The following NXPE3 variants were observed in gnomAD, a reference collection of about 807,000 sequenced individuals.
NXPE3 encodes neurexophilin and PC-esterase domain family member 3.
Under a neutral mutation model 46.1 loss-of-function variants are expected in NXPE3, and 26 were observed. That is an observed-to-expected ratio of 0.56 (90% CI 0.41 to 0.78). The LOEUF (loss-of-function observed/expected upper bound fraction) is 0.78, where lower values mean the gene tolerates loss of function less well. Among genes scored for constraint, NXPE3 ranks in the 30% least tolerant of loss-of-function variants. The probability of loss-of-function intolerance (pLI) is 0.00; values close to 1 mark genes in which losing one functional copy is unlikely to be tolerated. For missense variants in NXPE3, 620 were observed against 686.0 expected (o/e 0.90, Z 1.07); for synonymous variants, 272 against 257.9 (o/e 1.05, Z -0.52).
chr3:101,816,433 C>A (rs898719047), intron 6 of NXPE3, among the ~76,000 whole-genome samples: 1 of 152,084 alleles, frequency 6.6e-6, no homozygotes, highest in Admixed American at 6.5e-5. Flanking sequence ...CCCCCAACCC[C>A]CCGACAGGCC....
In NXPE3 at chr3:101,826,377, A is replaced by G. The variant is rs551163482; in HGVS notation, c.*4423A>G. 1 of 152,306 alleles carries G rather than the reference A, an allele frequency of 6.6e-6. No individual in the cohort carries two copies. Among genetic ancestry groups the G allele is most frequent in the African/African-American group, 2.4e-5 (1 of 41,564 alleles). The allele number at this position is 152,306 out of a possible 1,614,324, so 9.4% of individuals were successfully genotyped here. On this transcript the variant is annotated 3_prime_UTR_variant, in exon 8 of 8. Transcript: ENST00000273347. ...ATCTCTGTGGATTCTGGGTAAATTC[A>G]GCTTTTTAACATCAGCTAGTCACTA...
At chr3:101,781,372 A>G (rs987718339) in intron 1 of NXPE3, among the ~76,000 whole-genome samples, 1 of 152,222 alleles carries the variant, frequency 6.6e-6, no homozygotes, top group African/African-American at 2.4e-5. Flanking sequence ...TATTGAACTC[A>G]GGAATTTCAT....
intron 4 of NXPE3, among the ~76,000 whole-genome samples, chr3:101,794,611 G>C (rs908821303): frequency 1.3e-5 from 2 of 152,106 alleles, no homozygotes; most frequent in African/African-American, 4.8e-5. Context: ...TTACTGCATT[G>C]GTTTTGTGAA....
intron 4 of NXPE3, among the ~76,000 whole-genome samples, chr3:101,785,923 G>A (rs918573263): frequency 6.6e-6 from 1 of 152,134 alleles, no homozygotes; most frequent in Non-Finnish European, 1.5e-5. Flanking sequence ...CACATAATAA[G>A]TGTGCATGGA....
intron 5 of NXPE3, among the ~76,000 whole-genome samples, chr3:101,805,484 G>A (rs376382088): frequency 2.6e-5 from 4 of 151,028 alleles, no homozygotes; most frequent in East Asian, 1.9e-4. Flanking sequence ...GCTGGGGTGC[G>A]GTGCAGTGAT....
chr3:101,808,818 G>GATAGATATATATATATATATATATAT (rs1553802986), intron 6 of NXPE3, among the ~76,000 whole-genome samples: 1 of 30,814 alleles, frequency 3.2e-5, no homozygotes, highest in African/African-American at 1.2e-4. Flanking sequence ...AATTTTAGAG[G>GATAGATATATATATATATATATATAT]ATATATATAT....
intron 4 of NXPE3, among the ~76,000 whole-genome samples, chr3:101,795,523 A>G (rs1320868791): frequency 6.6e-6 from 1 of 151,978 alleles, no homozygotes; most frequent in African/African-American, 2.4e-5. Context: ...TCTAAAAAAA[A>G]AAAAAAAAGC....
chr3:101,801,881 G>C lies in NXPE3; in HGVS notation c.740G>C (p.Trp247Ser), dbSNP rs972115673. 1.9e-6 allele frequency: 3 copies of C among 1,613,994 alleles called. No homozygotes were observed. The highest frequency in any genetic ancestry group is 2.5e-6 in the Non-Finnish European group (3 of 1,180,020). The change falls in exon 5 of 8, where the codon TGG becomes TCG. Residue 247 changes from tryptophan to serine, a missense_variant. Around this residue, in one of 3 missense-constraint regions of NXPE3, gnomAD observed 511 missense variants for 528.6 expected, o/e 0.97. Coordinates refer to ENST00000273347, the MANE Select transcript of NXPE3 (RefSeq NM_145037.4). ...ACAGACCTCTACACTGGGGAGCCCTGGTTCTGCTTCAAACCAAAGAAGCTC... is the reference window on the plus strand; with the variant it reads ...ACAGACCTCTACACTGGGGAGCCCTCGTTCTGCTTCAAACCAAAGAAGCTC... ...NFTDLYTGEP[W>S]FCFKPKKLPC...
rs73143886 is a variant in NXPE3 at position 101,821,552 on chromosome 3, G to A, written c.1278G>A (p.Ala426=). The A allele has an allele frequency of 2.5e-5, 40 of 1,614,168 alleles. No individual in the cohort carries two copies. Among genetic ancestry groups the A allele is most frequent in the Non-Finnish European group, 3.2e-5 (38 of 1,180,040 alleles). Residue 426 remains alanine (A), a synonymous_variant, in exon 8 of 8, where the codon GCG becomes GCA. Transcript: ENST00000273347. ...TTAGCAATGAGCTCCATTATGTGGC[G>A]AATGAGCTGAATGGCATTGTGGGAG... ...TVFSNELHYV[A]NELNGIVGGK... is the part of the protein sequence containing the mutation.
At chr3:101,788,441 AATC>A (rs1303007205) in intron 4 of NXPE3, among the ~76,000 whole-genome samples, 2 of 152,198 alleles carry the variant, frequency 1.3e-5, no homozygotes, top group Non-Finnish European at 2.9e-5. Context: ...ATATCCAAGA[AATC>A]ATCACCAAAT....
At position 101,827,332 on chromosome 3, in the gene NXPE3, T is replaced by C. The variant is rs1440826309; in HGVS notation, c.*5378T>C. On this transcript the variant is annotated 3_prime_UTR_variant, in exon 8 of 8. Transcript: ENST00000273347. The stretch of plus-strand genomic sequence containing the variant: ...CAGTTTTGTGCAGTGGTTCATTTGC[T>C]GTTAAATCTACCCCATTACCATTCC... 6.6e-6 allele frequency: 1 copy of C among 152,234 alleles called. No homozygotes were observed. The highest frequency in any genetic ancestry group is 1.5e-5 in the Non-Finnish European group (1 of 68,048). The allele number at this position is 152,234 out of a possible 1,614,324, so 9.4% of individuals were successfully genotyped here. A position where few individuals can be genotyped will look rare whatever the true frequency, so the allele number is the denominator to read the frequency against.
chr3:101,816,772 TTG>T, intron 6 of NXPE3, 21 bp from the exon 7 acceptor site: 1 of 1,552,714 alleles, frequency 6.4e-7, no homozygotes, highest in South Asian at 1.1e-5. Flanking sequence ...ATTAAAATAT[TTG>T]TTTTTCTTTT....
At chr3:101,795,606 A>G (rs913682238) in intron 4 of NXPE3, among the ~76,000 whole-genome samples, 3 of 150,776 alleles carry the variant, frequency 2.0e-5, no homozygotes, top group Non-Finnish European at 4.4e-5. Flanking sequence ...GCAGTCTTTT[A>G]TTTCTCCGAT....
At chr3:101,802,389 G>A (rs760352360) in intron 5 of NXPE3, among the ~76,000 whole-genome samples, 14 of 151,904 alleles carry the variant, frequency 9.2e-5, no homozygotes, top group African/African-American at 1.7e-4. Flanking sequence ...AGGCTGAAAC[G>A]GGAGGATCGC....
chr3:101,794,863 A>G (rs1940734922), intron 4 of NXPE3, among the ~76,000 whole-genome samples: 1 of 152,204 alleles, frequency 6.6e-6, no homozygotes. Flanking sequence ...TAAAGGCTCT[A>G]ATTATTTGAA....
rs1408438809 is a variant in NXPE3 at position 101,801,373 on chromosome 3, G to A, written c.232G>A (p.Glu78Lys). The A allele has an allele frequency of 1.9e-6, 3 of 1,614,216 alleles. No homozygotes were observed. Among genetic ancestry groups the A allele is most frequent in the Non-Finnish European group, 1.7e-6 (2 of 1,180,038 alleles). ...QTLSSQERME[E>K]DSLLAALHRQ... ...CCTGTCCAGCCAGGAGCGCATGGAG[G>A]AGGACTCCTTGCTGGCTGCCTTGCA... Residue 78 changes from glutamate to lysine, a missense_variant, in exon 5 of 8, where the codon GAG (glutamate) becomes AAG (lysine). Physicochemically the swap from Glu to Lys is moderately conservative, Grantham distance 56 (BLOSUM62 1). Transcript: ENST00000273347.
intron 4 of NXPE3, among the ~76,000 whole-genome samples, chr3:101,793,627 C>CTTTTTTTTTTTTTTTTTTTTTTTTTTT: frequency 3.1e-4 from 6 of 19,394 alleles, no homozygotes; most frequent in Non-Finnish European, 3.8e-4. Context: ...TTGACAAGGT[C>CTTTTTTTTTTTTTTTTTTTTTTTTTTT]TTTTTTTTTT....
In NXPE3 at chr3:101,808,818, GATATATATATATATAT is replaced by G. The variant is rs58006464; in HGVS notation, c.922+1715_922+1730del. Among the ~76,000 whole-genome samples, 117 of 30,810 alleles carry G rather than the reference GATATATATATATATAT, an allele frequency of 3.8e-3. 5 individuals carry two copies. Among genetic ancestry groups the G allele is most frequent in the African/African-American group, 0.011 (93 of 8,552 alleles). The allele number at this position is 30,810 out of a possible 152,430, so 20.2% of individuals were successfully genotyped here. ...ACCAAATGAATTACTAATTTTAGAGGATATATATATATATATATATATATATATATATATATATGAG... is the reference window on the plus strand; with the variant it reads ...ACCAAATGAATTACTAATTTTAGAGGATATATATATATATATATATATGAG... On this transcript the variant is annotated intron_variant, in intron 6 of 7. Coordinates refer to ENST00000273347, the MANE Select transcript of NXPE3 (RefSeq NM_145037.4).
In NXPE3 at chr3:101,827,631, T is replaced by A. The variant is rs1032550449; in HGVS notation, c.*5677T>A. 6.6e-6 allele frequency among the ~76,000 whole-genome samples: 1 copy of A among 152,210 alleles called. No homozygotes were observed. Among genetic ancestry groups the A allele is most frequent in the Non-Finnish European group, 1.5e-5 (1 of 68,036 alleles). ...GCCCATCAGGAGATTCACTAGGACA[T>A]TTTAAAAGGACGTCTTTAAGGAAAA... On this transcript the variant is annotated 3_prime_UTR_variant, in exon 8 of 8. Transcript: ENST00000273347.
Sources: allele counts gnomAD v4.1 joint callset (sites outside exome capture counted in the v4.1 genomes callset), GRCh38; gene constraint gnomAD v4.1.1; regional missense constraint gnomAD v4.1.1; transcripts MANE v1.5; gene names NCBI Gene and HGNC (gene_info 2026-07-23, HGNC 2026-07-21).